NMD3: variants seen among roughly 807,000 people sequenced by gnomAD.
NMD3 encodes the protein NMD3 ribosome export adaptor.
A neutral mutation model predicts 73.1 loss-of-function variants in NMD3; 47 were observed. The ratio of observed to expected loss-of-function variants is 0.64; its 90% CI spans 0.51 to 0.82. The LOEUF (loss-of-function observed/expected upper bound fraction) is 0.82, where lower values mean the gene tolerates loss of function less well. NMD3 is among the 40% of genes least tolerant of loss of function. NMD3 has a pLI of 0.00. For synonymous variants in NMD3, 210 were observed against 194.5 expected (o/e 1.08, Z -0.66); for missense variants, 554 against 612.5 (o/e 0.90, Z 1.01).
At chr3:161,252,774 T>C, downstream of NMD3, 1 of 687,306 alleles carries the variant, frequency 1.5e-6, no homozygotes, top group East Asian at 2.7e-5. Context: ...TGTAGCCAAA[T>C]CTGCACCTGA....
chr3:161,241,009 G>A, intron 9 of NMD3, 37 bp from the exon 10 acceptor site: 1 of 1,284,840 alleles, frequency 7.8e-7, no homozygotes, highest in South Asian at 1.2e-5. Context: ...TGTTATTTAG[G>A]ATATGCCTCA....
At chr3:161,230,848 G>A (rs139428784) in intron 4 of NMD3, among the ~76,000 whole-genome samples, 3 of 152,312 alleles carry the variant, frequency 2.0e-5, no homozygotes, top group East Asian at 1.9e-4. Context: ...AAACAGAAGC[G>A]TGGGCAGTAG....
At chr3:161,248,675 G>GA (rs1181543238) in intron 13 of NMD3, among the ~76,000 whole-genome samples, 1 of 152,132 alleles carries the variant, frequency 6.6e-6, no homozygotes, top group African/African-American at 2.4e-5. Flanking sequence ...TCAAGCCTTG[G>GA]AAAAAAACTA....
intron 4 of NMD3, among the ~76,000 whole-genome samples, chr3:161,233,128 T>A (rs201257624): frequency 6.8e-6 from 1 of 146,246 alleles, no homozygotes; most frequent in African/African-American, 2.6e-5. Flanking sequence ...TTTTTTTTTT[T>A]AAGGGAAAAG....
At chr3:161,241,008 G>T in intron 9 of NMD3, 38 bp from the exon 10 acceptor site, 1 of 1,299,468 alleles carries the variant, frequency 7.7e-7, no homozygotes, top group South Asian at 1.2e-5. Flanking sequence ...CTGTTATTTA[G>T]GATATGCCTC....
intron 2 of NMD3, chr3:161,222,875 T>G (rs530718924): frequency 6.6e-6 from 1 of 152,270 alleles, no homozygotes; most frequent in South Asian, 2.1e-4. Context: ...AGCAGGAAAT[T>G]TGGCCCCCTT....
chr3:161,252,044 A>G lies in NMD3; in HGVS notation c.*1134A>G, dbSNP rs975874261. 3.3e-5 allele frequency: 5 copies of G among 152,092 alleles called. No homozygotes were observed. The highest frequency in any genetic ancestry group is 9.7e-5 in the African/African-American group (4 of 41,416). 9.4% of individuals were successfully genotyped at this position (152,092 alleles called of 1,614,324 possible). A position where few individuals can be genotyped will look rare whatever the true frequency, so the allele number is the denominator to read the frequency against. ...ACATTTTTCTTTTTTTTAATATTGG[A>G]CTTTCCAATTTTGAAATTATGGATA... On this transcript the variant is annotated 3_prime_UTR_variant, in exon 16 of 16. Transcript: ENST00000351193.
intron 8 of NMD3, among the ~76,000 whole-genome samples, 175 bp downstream of exon 8, chr3:161,238,366 T>A (rs1390058420): frequency 6.6e-6 from 1 of 152,234 alleles, no homozygotes; most frequent in Non-Finnish European, 1.5e-5. Flanking sequence ...GTAGGACTTG[T>A]GCTCCAAAGA....
intron 9 of NMD3, 98 bp from the exon 10 acceptor site, chr3:161,240,944 TTTGG>T (rs1736950721): frequency 1.6e-6 from 1 of 613,264 alleles, no homozygotes; most frequent in African/African-American, 1.9e-5. Context: ...AAAATAACGT[TTTGG>T]TTGGTCAAAT....
chr3:161,247,848 A>G (rs1737292531), intron 13 of NMD3, among the ~76,000 whole-genome samples: 1 of 151,164 alleles, frequency 6.6e-6, no homozygotes, highest in African/African-American at 2.4e-5. Context: ...GTGCAGTGTC[A>G]TGATCACTCA....
At chr3:161,244,517 A>G (rs982233759) in intron 11 of NMD3, among the ~76,000 whole-genome samples, 1 of 152,108 alleles carries the variant, frequency 6.6e-6, no homozygotes, top group African/African-American at 2.4e-5. Flanking sequence ...ATTAGCTTAC[A>G]TGTACAGGTG....
Position 161,227,341 on chromosome 3 carries a change from A to G in NMD3, c.274A>G (p.Lys92Glu). 1 of 1,592,252 alleles carries G rather than the reference A, an allele frequency of 6.3e-7. No individual in the cohort carries two copies. The highest frequency in any genetic ancestry group is 2.2e-5 in the East Asian group (1 of 44,594). Residue 92 changes from lysine (K) to glutamate (E), a missense_variant and splice_region_variant, in exon 4 of 16, where the codon AAG becomes GAG. By Grantham distance (56) the Lys-to-Glu change is moderately conservative. Transcript: ENST00000351193. Reference protein sequence around the residue: ...CLKKIKAPLSKVRLVDAGFVW... With the variant: ...CLKKIKAPLSEVRLVDAGFVW... ...GAAAAAAATCAAAGCCCCTCTGAGT[A>G]AGGTAAGTTAAACAGCTAAAATCAG...
chr3:161,235,508 T>C (rs1209132590), intron 7 of NMD3, among the ~76,000 whole-genome samples: 1 of 152,176 alleles, frequency 6.6e-6, no homozygotes, highest in African/African-American at 2.4e-5. Context: ...CTAAGTATGA[T>C]ATTTCTTGAG....
rs1380485808 is a variant in NMD3, at chr3:161,242,536, G to T, written c.900G>T (p.Trp300Cys). 3 of 1,613,180 alleles carry T rather than the reference G, an allele frequency of 1.9e-6. No individual in the cohort carries two copies. The African/African-American group carries it at 4.0e-5, about 22-fold the overall frequency. ...QVADIDGSTF[W>C]SHPFNSLCHP... is the part of the protein sequence containing the mutation. The stretch of plus-strand genomic sequence containing the variant: ...CAGATATTGATGGGAGCACTTTCTG[G>T]AGTCACCCTTTCAATAGTTTATGTC... Residue 300 changes from tryptophan to cysteine, a missense_variant, in exon 11 of 16, where the codon TGG becomes TGT. Coordinates refer to ENST00000351193, the MANE Select transcript of NMD3 (RefSeq NM_015938.5).
chr3:161,224,807 T>G lies in NMD3; in HGVS notation c.45-123T>G, dbSNP rs939850662. 20 of 992,582 alleles carry G rather than the reference T, an allele frequency of 2.0e-5. No homozygotes were observed. The African/African-American group carries it at 3.4e-4, about 17-fold the overall frequency. 61.5% of individuals were successfully genotyped at this position (992,582 alleles called of 1,614,324 possible). On this transcript the variant is annotated intron_variant, in intron 2 of 15. Transcript: ENST00000351193. Reference sequence around the variant, plus strand: ...GCCCAGGTTGCTTTGTTTCTGTTATTTTTTTGAAAAGGGCAAAGATGCTGT... The same window carrying G: ...GCCCAGGTTGCTTTGTTTCTGTTATGTTTTTGAAAAGGGCAAAGATGCTGT...
chr3:161,235,049 A>G (rs1736703423), intron 6 of NMD3, 73 bp from the exon 7 acceptor site: 2 of 861,120 alleles, frequency 2.3e-6, no homozygotes, highest in East Asian at 2.5e-5. Context: ...CTATCTGTAG[A>G]TAGTATGTGT....
chr3:161,221,436 C>T (rs1736073562), intron 1 of NMD3, 27 bp downstream of exon 1: 1 of 152,376 alleles, frequency 6.6e-6, no homozygotes, highest in African/African-American at 2.4e-5. Flanking sequence ...GAGACCTGGG[C>T]TGTCGGCCGC....
At chr3:161,248,351 G>C (rs184926058) in intron 13 of NMD3, among the ~76,000 whole-genome samples, 5 of 151,972 alleles carry the variant, frequency 3.3e-5, no homozygotes, top group Admixed American at 3.3e-4. Flanking sequence ...TTAGCCAGGC[G>C]TGGTGGCATG....
chr3:161,223,615 A>G (rs566955720), intron 2 of NMD3, among the ~76,000 whole-genome samples: 12 of 152,202 alleles, frequency 7.9e-5, no homozygotes, highest in Non-Finnish European at 8.8e-5. Context: ...CATTAGAGAT[A>G]AGTAGACAGC....
Sources: gnomAD v4.1 joint callset for allele counts (sites outside exome capture counted in the v4.1 genomes callset) on GRCh38, gnomAD v4.1.1 for gene constraint, MANE v1.5 for transcripts, NCBI Gene and HGNC (gene_info 2026-07-23, HGNC 2026-07-21) for gene names.